SERPINB2: variants seen among roughly 807,000 people sequenced by gnomAD.
SERPINB2 encodes plasminogen activator inhibitor 2.
In SERPINB2, 28 loss-of-function variants were observed where a neutral mutation model predicts 39.4. That is an observed-to-expected ratio of 0.71 (90% CI 0.53 to 0.97). The LOEUF (loss-of-function observed/expected upper bound fraction) is 0.97, where lower values mean the gene tolerates loss of function less well. Ranked by LOEUF, SERPINB2 falls within the 50% of genes least tolerant of loss-of-function variation. SERPINB2 has a pLI of 0.00. For missense variants in SERPINB2, 557 were observed against 505.3 expected (o/e 1.10, Z -0.98); for synonymous variants, 209 against 175.1 (o/e 1.19, Z -1.53).
intron 5 of SERPINB2, among the ~76,000 whole-genome samples, chr18:63,898,515 G>C (rs4619502): frequency 0.29 from 43,362 of 151,776 alleles, 6,742 homozygotes; most frequent in East Asian, 0.48. Context: ...GTTCTATTAA[G>C]TTCATTCACT....
At chr18:63,894,893 G>C (rs996176802) in intron 2 of SERPINB2, among the ~76,000 whole-genome samples, 5 of 152,088 alleles carry the variant, frequency 3.3e-5, no homozygotes, top group Non-Finnish European at 7.4e-5. Flanking sequence ...AGACACACAA[G>C]GTTCTGAGTT....
chr18:63,895,311 T>G lies in SERPINB2; in HGVS notation c.216T>G (p.Thr72=), dbSNP rs145713562. The G allele has an allele frequency of 3.2e-5, 51 of 1,614,088 alleles. No homozygotes were observed. In the African/African-American group the frequency reaches 5.6e-4, roughly 18 times the overall value. The change falls in exon 3 of 8, where the codon ACT becomes ACG. Residue 72 remains threonine, a synonymous_variant. Coordinates refer to ENST00000299502, the MANE Select transcript of SERPINB2 (RefSeq NM_002575.3). ...GAGCCAATGCAGTTACCCCCATGAC[T>G]CCAGAGAACTTTACCAGCTGTGGGT... The part of the protein sequence containing the change: ...EVGANAVTPM[T]PENFTSCGFM...
intron 3 of SERPINB2, among the ~76,000 whole-genome samples, chr18:63,896,045 A>C (rs1373556321): frequency 6.6e-6 from 1 of 152,218 alleles, no homozygotes; most frequent in East Asian, 1.9e-4. Context: ...ATAAAAACTG[A>C]GTATAGACTG....
At chr18:63,895,119 A>G in intron 2 of SERPINB2, 145 bp from the exon 3 acceptor site, 3 of 851,462 alleles carry the variant, frequency 3.5e-6, no homozygotes, top group Non-Finnish European at 5.4e-6. Flanking sequence ...ACACAGAAAG[A>G]GTATTGAGTA....
Position 63,903,049 on chromosome 18 carries a change from A to T in SERPINB2, c.992A>T (p.Asp331Val). Reference sequence around the variant, plus strand: ...ATTCTGAGAAGCATGGGCATGGAGGACGCCTTCAACAAGGGACGGGCCAAT... The same window carrying T: ...ATTCTGAGAAGCATGGGCATGGAGGTCGCCTTCAACAAGGGACGGGCCAAT... Reference protein sequence around the residue: ...RSILRSMGMEDAFNKGRANFS... With the variant: ...RSILRSMGMEVAFNKGRANFS... The change falls in exon 8 of 8, where the codon GAC (aspartate) becomes GTC (valine). Residue 331 changes from aspartate to valine, a missense_variant. Transcript: ENST00000299502. The T allele has an allele frequency of 2.5e-6, 4 of 1,613,840 alleles. No individual in the cohort carries two copies.
Position 63,903,166 on chromosome 18 carries a change from C to A in SERPINB2, c.1109C>A (p.Ala370Asp). ...GTGAATGAGGAGGGCACTGAAGCAG[C>A]CGCTGGCACAGGAGGTGTTATGACA... Reference protein sequence around the residue: ...VDVNEEGTEAAAGTGGVMTGR... With the variant: ...VDVNEEGTEADAGTGGVMTGR... Residue 370 changes from alanine (A) to aspartate (D), a missense_variant, in exon 8 of 8, where the codon GCC becomes GAC. Transcript: ENST00000299502. The A allele has an allele frequency of 6.2e-7, 1 of 1,613,678 alleles. No homozygotes were observed. The highest frequency in any genetic ancestry group is 8.5e-7 in the Non-Finnish European group (1 of 1,179,738).
rs374585473 is a variant in SERPINB2, at chr18:63,903,412, C to G, written c.*107C>G. On this transcript the variant is annotated 3_prime_UTR_variant, in exon 8 of 8. Transcript: ENST00000299502. ...TAGAGATGTTTTCTACATATTTCTG[C>G]TCTTCTGAACAACTTCTGCTACCCA... 13 of 1,106,446 alleles carry G rather than the reference C, an allele frequency of 1.2e-5. No homozygotes were observed. The East Asian group carries it at 1.4e-4, about 12-fold the overall frequency. 68.5% of individuals were successfully genotyped at this position (1,106,446 alleles called of 1,614,324 possible).
At chr18:63,902,765 C>A in intron 7 of SERPINB2, 136 bp from the exon 8 acceptor site, 1 of 1,134,498 alleles carries the variant, frequency 8.8e-7, no homozygotes, top group Non-Finnish European at 1.2e-6. Context: ...AAAAATCTGA[C>A]CAATCTGTTA....
rs981941615 is a variant in SERPINB2, at chr18:63,897,600, T to C, written c.418-127T>C. On this transcript the variant is annotated intron_variant, in intron 4 of 7. Coordinates refer to ENST00000299502, the MANE Select transcript of SERPINB2 (RefSeq NM_002575.3). ...TTCCCCCTTCAGCACCTGCCTTCCA[T>C]AGCCAACCTCCACTCCCACCCTACC... 2.6e-5 allele frequency: 20 copies of C among 777,854 alleles called. No individual in the cohort carries two copies. In the African/African-American group the frequency reaches 3.0e-4, roughly 12 times the overall value. The allele number at this position is 777,854 out of a possible 1,614,324, so 48.2% of individuals were successfully genotyped here.
At position 63,897,121 on chromosome 18, in the gene SERPINB2, T is replaced by G. The variant is rs745831210; in HGVS notation, c.319T>G (p.Phe107Val). Residue 107 changes from phenylalanine to valine, a missense_variant, in exon 4 of 8, where the codon TTC becomes GTC. Physicochemically the swap from Phe to Val is conservative, Grantham distance 50 (BLOSUM62 -1). Coordinates refer to ENST00000299502, the MANE Select transcript of SERPINB2 (RefSeq NM_002575.3). ...AQAADKIHSSFRSLSSAINAS... is the reference protein window; with the variant it reads ...AQAADKIHSSVRSLSSAINAS... ...AGCTGCAGATAAAATCCATTCATCC[T>G]TCCGCTCTCTCAGCTCTGCAATCAA... 8 of 1,613,304 alleles carry G rather than the reference T, an allele frequency of 5.0e-6. No individual in the cohort carries two copies. In the African/African-American group the frequency reaches 6.7e-5, roughly 13 times the overall value.
At chr18:63,900,771 A>G (rs2144705702) in intron 5 of SERPINB2, among the ~76,000 whole-genome samples, 1 of 152,214 alleles carries the variant, frequency 6.6e-6, no homozygotes, top group African/African-American at 2.4e-5. Context: ...CCTGGTGTCT[A>G]AAACCTGCCT....
chr18:63,897,814 A>T lies in SERPINB2; in HGVS notation c.505A>T (p.Ile169Phe). 1 of 1,611,626 alleles carries T rather than the reference A, an allele frequency of 6.2e-7. No homozygotes were observed. The highest frequency in any genetic ancestry group is 1.1e-5 in the South Asian group (1 of 90,934). ...LECAEEARKK[I>F]NSWVKTQTKG... is the part of the protein sequence containing the mutation. ...ATGTGCAGAAGAAGCTAGAAAAAAG[A>T]TTAATTCCTGGGTCAAGACTCAAAC... The change falls in exon 5 of 8, where the codon ATT becomes TTT. Residue 169 changes from isoleucine to phenylalanine, a missense_variant. Coordinates refer to ENST00000299502, the MANE Select transcript of SERPINB2 (RefSeq NM_002575.3).
chr18:63,901,262 C>T (rs1255464650), intron 5 of SERPINB2, among the ~76,000 whole-genome samples: 1 of 152,104 alleles, frequency 6.6e-6, no homozygotes, highest in African/African-American at 2.4e-5. Flanking sequence ...TTTCTCATCT[C>T]TTGTATCTGC....
chr18:63,890,092 G>A (rs1001164524), intron 1 of SERPINB2: 1 of 152,236 alleles, frequency 6.6e-6, no homozygotes, highest in South Asian at 2.1e-4. Flanking sequence ...AACGAGGAGA[G>A]GAGGTGAGAG....
chr18:63,897,899 A>G, intron 5 of SERPINB2, 55 bp downstream of exon 5: 1 of 1,196,234 alleles, frequency 8.4e-7, no homozygotes, highest in Non-Finnish European at 1.2e-6. Context: ...ACTCTGATCT[A>G]TCTTTTTCCA....
chr18:63,903,149 G>A lies in SERPINB2; in HGVS notation c.1092G>A (p.Glu364=), dbSNP rs779671394. The change falls in exon 8 of 8, where the codon GAG becomes GAA. Residue 364 remains glutamate (E), a synonymous_variant. Transcript: ENST00000299502. ...VFHQAMVDVN[E]EGTEAAAGTG... is the part of the protein sequence containing the mutation. ...ACCAAGCCATGGTGGATGTGAATGA[G>A]GAGGGCACTGAAGCAGCCGCTGGCA... 6 of 1,613,670 alleles carry A rather than the reference G, an allele frequency of 3.7e-6. No homozygotes were observed. The highest frequency in any genetic ancestry group is 2.2e-5 in the East Asian group (1 of 44,860).
chr18:63,897,373 G>C (rs2049966755), intron 4 of SERPINB2, among the ~76,000 whole-genome samples, 154 bp downstream of exon 4: 1 of 152,142 alleles, frequency 6.6e-6, no homozygotes, highest in African/African-American at 2.4e-5. Context: ...TGCCCTTCCT[G>C]TACCCTCTGG....
intron 1 of SERPINB2, among the ~76,000 whole-genome samples, chr18:63,890,359 TC>T (rs1220760333): frequency 1.3e-5 from 2 of 152,130 alleles, no homozygotes; most frequent in African/African-American, 2.4e-5. Flanking sequence ...TTCCAGCCCC[TC>T]CCCAGTTCGG....
chr18:63,895,211 A>C, intron 2 of SERPINB2, 53 bp from the exon 3 acceptor site: 1 of 1,601,168 alleles, frequency 6.2e-7, no homozygotes, highest in African/African-American at 1.3e-5. Flanking sequence ...CTGTTTTAAA[A>C]GTTCAGTAAA....
Sources: gnomAD v4.1 joint callset for allele counts (sites outside exome capture counted in the v4.1 genomes callset) on GRCh38, gnomAD v4.1.1 for gene constraint, MANE v1.5 for transcripts, NCBI Gene and HGNC (gene_info 2026-07-23, HGNC 2026-07-21) for gene names.